Variants in NLGN1 observed in about 807,000 individuals in gnomAD.
The protein encoded by NLGN1 is neuroligin 1.
Under a neutral mutation model 65.5 loss-of-function variants are expected in NLGN1, and 12 were observed. The observed-to-expected ratio is 0.18, with a 90% confidence interval of 0.12 to 0.30. The LOEUF (loss-of-function observed/expected upper bound fraction) is 0.30, where lower values mean the gene tolerates loss of function less well. Ranked by LOEUF, NLGN1 falls within the 10% of genes least tolerant of loss-of-function variation. The probability of loss-of-function intolerance (pLI) is 1.00; values close to 1 mark genes in which losing one functional copy is unlikely to be tolerated. For synonymous variants in NLGN1, 350 were observed against 359.5 expected, an observed-to-expected ratio of 0.97 and a Z score of 0.30; for missense variants, 750 against 1,007.1, an observed-to-expected ratio of 0.74 and a Z score of 3.46.
intron 4 of NLGN1, among the ~76,000 whole-genome samples, chr3:174,083,613 A>T (rs1742676684): frequency 6.6e-6 from 1 of 152,186 alleles, no homozygotes. Context: ...AACAATATAG[A>T]TTTTAAGTAT....
chr3:174,107,017 CAGAGAGAG>C (rs71162376), intron 4 of NLGN1, among the ~76,000 whole-genome samples: 1,507 of 97,670 alleles, frequency 0.015, 39 homozygotes, highest in African/African-American at 0.058. Flanking sequence ...CACACACACA[CAGAGAGAG>C]AGAGAGAGAG....
rs550548822 is a variant in NLGN1 at position 173,587,602 on chromosome 3, T to C, written c.-320-16677T>C. 3.3e-5 allele frequency among the ~76,000 whole-genome samples: 5 copies of C among 152,238 alleles called. No homozygotes were observed. In the East Asian group the frequency reaches 9.7e-4, roughly 29 times the overall value. On this transcript the variant is annotated intron_variant, in intron 2 of 6. Coordinates refer to ENST00000457714, the Ensembl canonical transcript of NLGN1. Reference sequence around the variant, plus strand: ...CCCAATACATGTTTTTGGTCCTAATTATTAAAAAGAACATGGTAGCCTTGA... The same window carrying C: ...CCCAATACATGTTTTTGGTCCTAATCATTAAAAAGAACATGGTAGCCTTGA...
chr3:173,755,805 T>G (rs1402859546), intron 3 of NLGN1, among the ~76,000 whole-genome samples: 2 of 152,134 alleles, frequency 1.3e-5, no homozygotes, highest in African/African-American at 4.8e-5. Flanking sequence ...CATAGTCAAC[T>G]GTGCCCAGCA....
intron 4 of NLGN1, among the ~76,000 whole-genome samples, chr3:173,999,087 A>G (rs1004286949): frequency 6.6e-6 from 1 of 152,198 alleles, no homozygotes; most frequent in Non-Finnish European, 1.5e-5. Flanking sequence ...ACTTTTCTCT[A>G]CAGGAGTTAG....
chr3:173,997,263 T>A (rs1208103821), intron 4 of NLGN1, among the ~76,000 whole-genome samples: 2 of 152,092 alleles, frequency 1.3e-5, no homozygotes, highest in African/African-American at 4.8e-5. Context: ...ATGGTGATGA[T>A]GGAGGAACAA....
At chr3:173,971,551 G>T (rs988615553) in intron 4 of NLGN1, among the ~76,000 whole-genome samples, 1 of 151,952 alleles carries the variant, frequency 6.6e-6, no homozygotes, top group Non-Finnish European at 1.5e-5. Flanking sequence ...ACAAGAAAAT[G>T]GGGAATAACT....
intron 4 of NLGN1, among the ~76,000 whole-genome samples, chr3:174,106,012 T>C (rs1312938766): frequency 2.6e-5 from 4 of 152,176 alleles, no homozygotes; most frequent in Non-Finnish European, 5.9e-5. Flanking sequence ...ATCTATATTT[T>C]ACTTGACCCG....
intron 4 of NLGN1, among the ~76,000 whole-genome samples, chr3:174,074,875 A>G (rs1485931227): frequency 6.6e-6 from 1 of 152,196 alleles, no homozygotes; most frequent in African/African-American, 2.4e-5. Context: ...CACAACTACC[A>G]CTGAGCCGTG....
At chr3:173,650,927 T>A (rs527374124) in intron 3 of NLGN1, among the ~76,000 whole-genome samples, 5 of 152,052 alleles carry the variant, frequency 3.3e-5, no homozygotes, top group South Asian at 4.1e-4. Flanking sequence ...CCTGTTTATT[T>A]TTTTTTTTTA....
At chr3:173,421,631 C>T (rs1437500083) in intron 1 of NLGN1, among the ~76,000 whole-genome samples, 1 of 151,662 alleles carries the variant, frequency 6.6e-6, no homozygotes, top group African/African-American at 2.4e-5. Flanking sequence ...CAGTCTGGGA[C>T]TACAGACTGA....
At chr3:173,955,726 A>G (rs530218181) in intron 4 of NLGN1, among the ~76,000 whole-genome samples, 2 of 152,328 alleles carry the variant, frequency 1.3e-5, no homozygotes, top group East Asian at 3.9e-4. Flanking sequence ...GAAGACTAAT[A>G]TTACTAACAT....
chr3:173,614,622 T>C (rs557027984), intron 3 of NLGN1, among the ~76,000 whole-genome samples: 3 of 152,226 alleles, frequency 2.0e-5, no homozygotes, highest in Admixed American at 6.5e-5. Flanking sequence ...AGGCAGATCC[T>C]GAGGTTTCTG....
intron 2 of NLGN1, among the ~76,000 whole-genome samples, chr3:173,508,769 A>G (rs1325145266): frequency 1.3e-5 from 2 of 152,156 alleles, no homozygotes; most frequent in Non-Finnish European, 2.9e-5. Context: ...CAAGGAATAC[A>G]GTTCTCCAGT....
At chr3:173,710,050 G>C (rs542524546) in intron 3 of NLGN1, among the ~76,000 whole-genome samples, 1 of 152,138 alleles carries the variant, frequency 6.6e-6, no homozygotes, top group Admixed American at 6.6e-5. Flanking sequence ...TTTCATATAT[G>C]ACAAAATGGT....
At chr3:174,189,710 A>G (rs1732034725) in intron 4 of NLGN1, among the ~76,000 whole-genome samples, 1 of 135,616 alleles carries the variant, frequency 7.4e-6, no homozygotes, top group Admixed American at 8.1e-5. Context: ...TAGTATCCAT[A>G]AGTAGTTTGT....
rs565211442 is a variant in NLGN1, at chr3:174,215,848, G to A, written c.647-59467G>A. On this transcript the variant is annotated intron_variant, in intron 4 of 6. Coordinates refer to ENST00000457714, the Ensembl canonical transcript of NLGN1. Reference sequence around the variant, plus strand: ...ACTCGTCACTGGCTCCAAATAAAATGGTGATTTTATCTTTTCTACTGCAGC... The same window carrying A: ...ACTCGTCACTGGCTCCAAATAAAATAGTGATTTTATCTTTTCTACTGCAGC... Among the ~76,000 whole-genome samples the A allele has an allele frequency of 6.6e-5, 10 of 152,228 alleles. No individual in the cohort carries two copies. The East Asian group carries it at 1.2e-3, about 18-fold the overall frequency.
chr3:173,631,924 A>G (rs1755746036), intron 3 of NLGN1, among the ~76,000 whole-genome samples: 2 of 152,056 alleles, frequency 1.3e-5, no homozygotes, highest in Middle Eastern at 3.2e-3. Flanking sequence ...ATGAACTTTA[A>G]TATTTTTCTT....
rs537122278 is a variant in NLGN1 at position 174,000,123 on chromosome 3, C to T, written c.646+192291C>T. 7.2e-5 allele frequency among the ~76,000 whole-genome samples: 11 copies of T among 152,138 alleles called. No individual in the cohort carries two copies. In the East Asian group the frequency reaches 1.4e-3, roughly 19 times the overall value. On this transcript the variant is annotated intron_variant, in intron 4 of 6. Coordinates refer to ENST00000457714, the Ensembl canonical transcript of NLGN1. Reference sequence around the variant, plus strand: ...TCTTTGATGCAAGACTGAGTATTTTCGTTTGTGACTTGGTCCACTGATGAT... The same window carrying T: ...TCTTTGATGCAAGACTGAGTATTTTTGTTTGTGACTTGGTCCACTGATGAT...
intron 2 of NLGN1, among the ~76,000 whole-genome samples, chr3:173,586,808 G>T (rs1166518014): frequency 6.6e-6 from 1 of 152,050 alleles, no homozygotes; most frequent in Non-Finnish European, 1.5e-5. Context: ...TATAAGTCAC[G>T]TGGTTCACGT....
Sources: gnomAD v4.1 joint callset for allele counts (sites outside exome capture counted in the v4.1 genomes callset) on GRCh38, gnomAD v4.1.1 for gene constraint, MANE v1.5 for transcripts, NCBI Gene and HGNC (gene_info 2026-07-23, HGNC 2026-07-21) for gene names.